Variants in AIFM2 observed in about 807,000 individuals in gnomAD.
AIFM2 encodes AIF family member 2, ferroptosis suppressor.
A neutral mutation model predicts 35.7 loss-of-function variants in AIFM2; 38 were observed. The ratio of observed to expected loss-of-function variants is 1.06; its 90% CI spans 0.82 to 1.39. The LOEUF (loss-of-function observed/expected upper bound fraction) is 1.39, where lower values mean the gene tolerates loss of function less well. AIFM2 is among the 40% of genes most tolerant of loss of function. The probability of loss-of-function intolerance (pLI) is 0.00; values close to 1 mark genes in which losing one functional copy is unlikely to be tolerated. For synonymous variants in AIFM2, 185 were observed against 203.5 expected (o/e 0.91, Z 0.77); for missense variants, 476 against 491.2 (o/e 0.97, Z 0.29).
In AIFM2 at chr10:70,115,109, C is replaced by G. The variant is rs759180263; in HGVS notation, c.781G>C (p.Ala261Pro). 8.1e-6 allele frequency: 13 copies of G among 1,613,616 alleles called. No homozygotes were observed. The East Asian group carries it at 2.7e-4, about 33-fold the overall frequency. ...TTCACTCTCAGAGCACCACTGCTGGCTAGTCTGCTCTCTGCCAGAAGAAAT... is the reference window on the plus strand; with the variant it reads ...TTCACTCTCAGAGCACCACTGCTGGGTAGTCTGCTCTCTGCCAGAAGAAAT... ...AYRKAFESRLASSGALRVNEH... is the reference protein window; with the variant it reads ...AYRKAFESRLPSSGALRVNEH... The change falls in exon 8 of 9, where the codon GCC becomes CCC. Residue 261 changes from alanine (A) to proline (P), a missense_variant. Ala to Pro is a conservative substitution (Grantham distance 27). Coordinates refer to ENST00000307864, the MANE Select transcript of AIFM2 (RefSeq NM_032797.6).
At position 70,123,639 on chromosome 10, in the gene AIFM2, G is replaced by A. The variant is rs77106600; in HGVS notation, c.179-119C>T. 3.7e-3 allele frequency: 3,448 copies of A among 928,152 alleles called. 14 individuals are homozygous for A. Among genetic ancestry groups the A allele is most frequent in the African/African-American group, 0.019 (1,190 of 61,096 alleles). The allele number at this position is 928,152 out of a possible 1,614,324, so 57.5% of individuals were successfully genotyped here. ...CAGGGGTGCCCTTGACCAAAGCGTCGGGCCATTAGGTATGCCTGGGGTACC... is the reference window on the plus strand; with the variant it reads ...CAGGGGTGCCCTTGACCAAAGCGTCAGGCCATTAGGTATGCCTGGGGTACC... On this transcript the variant is annotated intron_variant, in intron 2 of 8. Coordinates refer to ENST00000307864, the MANE Select transcript of AIFM2 (RefSeq NM_032797.6).
chr10:70,123,664 C>A, intron 2 of AIFM2, 144 bp from the exon 3 acceptor site: 1 of 809,260 alleles, frequency 1.2e-6, no homozygotes, highest in Non-Finnish European at 1.9e-6. Context: ...CCTGGGGTAC[C>A]CCTACTTCCT....
rs2072395430 is a variant in AIFM2 at position 70,113,036 on chromosome 10, T to TA, written c.*1141dup. 6.6e-6 allele frequency: 1 copy of TA among 152,196 alleles called. No homozygotes were observed. The highest frequency in any genetic ancestry group is 2.1e-4 in the South Asian group (1 of 4,828). 9.4% of individuals were successfully genotyped at this position (152,196 alleles called of 1,614,324 possible). A position where few individuals can be genotyped will look rare whatever the true frequency, so the allele number is the denominator to read the frequency against. ...GAAACCCCCTCTGCTCGCTAATGGG[T>TA]AAGCAGATGGCACCCCGCAAAGAGT... On this transcript the variant is annotated 3_prime_UTR_variant, in exon 9 of 9. Coordinates refer to ENST00000307864, the MANE Select transcript of AIFM2 (RefSeq NM_032797.6).
In AIFM2 at chr10:70,121,144, T is replaced by C; in HGVS notation, c.362A>G (p.Glu121Gly). 6.5e-7 allele frequency: 1 copy of C among 1,537,890 alleles called. No homozygotes were observed. Among genetic ancestry groups the C allele is most frequent in the Non-Finnish European group, 8.8e-7 (1 of 1,140,422 alleles). The part of the protein sequence containing the change: ...STGPFPGKFN[E>G]VSSQQAAIQA... ...GATAGCGGCCTGCTGGCTGGAAACCTCATTAAACTTGCCCGGGAAGGGCCC... is the reference window on the plus strand; with the variant it reads ...GATAGCGGCCTGCTGGCTGGAAACCCCATTAAACTTGCCCGGGAAGGGCCC... Residue 121 changes from glutamate (E) to glycine (G), a missense_variant, in exon 4 of 9, where the codon GAG becomes GGG. Transcript: ENST00000307864.
At position 70,114,935 on chromosome 10, in the gene AIFM2, G is replaced by C. The variant is rs1020250487; in HGVS notation, c.955C>G (p.Gln319Glu). 6.2e-7 allele frequency: 1 copy of C among 1,614,102 alleles called. No homozygotes were observed. Among genetic ancestry groups the C allele is most frequent in the Non-Finnish European group, 8.5e-7 (1 of 1,179,992 alleles). ...CCTCTCTTACCCGGCTTGTAGGCCT[G>C]GAGAGGCCGCTGCTTCACAGAGTTG... ...IVNSVKQRPL[Q>E]AYKPGALTFL... The change falls in exon 8 of 9, where the codon CAG becomes GAG. Residue 319 changes from glutamine (Q) to glutamate (E), a missense_variant. By Grantham distance (29) the Gln-to-Glu change is conservative (BLOSUM62 2). Transcript: ENST00000307864.
chr10:70,114,933 C>T lies in AIFM2; in HGVS notation c.957G>A (p.Gln319=). 6.2e-7 allele frequency: 1 copy of T among 1,614,082 alleles called. No homozygotes were observed. The highest frequency in any genetic ancestry group is 8.5e-7 in the Non-Finnish European group (1 of 1,179,986). ...IVNSVKQRPL[Q]AYKPGALTFL... is the part of the protein sequence containing the mutation. ...GGCCTCTCTTACCCGGCTTGTAGGC[C>T]TGGAGAGGCCGCTGCTTCACAGAGT... The change falls in exon 8 of 9, where the codon CAG becomes CAA. Residue 319 remains glutamine, a synonymous_variant. Coordinates refer to ENST00000307864, the MANE Select transcript of AIFM2 (RefSeq NM_032797.6).
chr10:70,125,683 C>G (rs1374622494), intron 1 of AIFM2, among the ~76,000 whole-genome samples: 6 of 151,808 alleles, frequency 4.0e-5, no homozygotes, highest in Non-Finnish European at 7.4e-5. Flanking sequence ...GTTGCCCAGG[C>G]TGGTCTCAAA....
At position 70,123,266 on chromosome 10, in the gene AIFM2, G is replaced by C. The variant is rs7072546; in HGVS notation, c.294+139C>G. 3,110 of 645,764 alleles carry C rather than the reference G, an allele frequency of 4.8e-3. 71 individuals are homozygous for C. In the African/African-American group the frequency reaches 0.052, roughly 11 times the overall value. 40.0% of individuals were successfully genotyped at this position (645,764 alleles called of 1,614,324 possible). A position where few individuals can be genotyped will look rare whatever the true frequency, so the allele number is the denominator to read the frequency against. On this transcript the variant is annotated intron_variant, in intron 3 of 8. Transcript: ENST00000307864. ...ACTCCTGACCTCAGGTGATCCGCCCGCCTTGGCCTCCCACAGTGCTGAGAT... is the reference window on the plus strand; with the variant it reads ...ACTCCTGACCTCAGGTGATCCGCCCCCCTTGGCCTCCCACAGTGCTGAGAT...
chr10:70,123,400 C>T lies in AIFM2; in HGVS notation c.294+5G>A, dbSNP rs1378549291. ...CAGCTGGCAGCCGGGCTGGCCCTCA[C>T]TCACCTCGCCACCCTGCAGCAGCAC... On this transcript the variant is annotated splice_donor_5th_base_variant and intron_variant, in intron 3 of 8. Coordinates refer to ENST00000307864, the MANE Select transcript of AIFM2 (RefSeq NM_032797.6). 4 of 1,613,582 alleles carry T rather than the reference C, an allele frequency of 2.5e-6. No homozygotes were observed. In the East Asian group the frequency reaches 8.9e-5, roughly 36 times the overall value.
chr10:70,116,812 A>G (rs1489086752), intron 6 of AIFM2, 38 bp from the exon 7 acceptor site: 3 of 1,609,834 alleles, frequency 1.9e-6, no homozygotes, highest in Non-Finnish European at 1.7e-6. Context: ...TGGTGGGGAC[A>G]GGGACCCCAT....
Position 70,117,868 on chromosome 10 carries a change from G to GCCTTGTCAGCC in AIFM2, c.559_560insGGCTGACAAGG (p.Ser187TrpfsTer10). On this transcript the variant is annotated frameshift_variant, in exon 6 of 9. Transcript: ENST00000307864. LOFTEE classifies it high-confidence loss of function. This position sits in a 1 kb window ranked among gnomAD's most constrained non-coding sequence, Gnocchi z 4.7. ...GATCTCCTTCACTTCCTGCCGGACG[G>GCCTTGTCAGCC]AGGGCAGGAGCTCCTTGTCAGCCAG... is the stretch of plus-strand genomic sequence containing the variant. 1 of 1,605,550 alleles carries GCCTTGTCAGCC rather than the reference G, an allele frequency of 6.2e-7. No homozygotes were observed. The highest frequency in any genetic ancestry group is 1.1e-5 in the South Asian group (1 of 90,000).
chr10:70,114,977 C>A lies in AIFM2; in HGVS notation c.913G>T (p.Ala305Ser), dbSNP rs774471671. The change falls in exon 8 of 9, where the codon GCC becomes TCC. Residue 305 changes from alanine to serine, a missense_variant. Coordinates refer to ENST00000307864, the MANE Select transcript of AIFM2 (RefSeq NM_032797.6). ...AYLAGLHANI[A>S]VANIVNSVKQ... is the part of the protein sequence containing the mutation. ...ACAGAGTTGACGATGTTGGCCACGG[C>A]GATGTTGGCGTGGAGGCCGGCAAGA... 5 of 1,614,198 alleles carry A rather than the reference C, an allele frequency of 3.1e-6. No individual in the cohort carries two copies. The highest frequency in any genetic ancestry group is 4.2e-6 in the Non-Finnish European group (5 of 1,180,034).
rs1468436591 is a variant in AIFM2 at position 70,123,889 on chromosome 10, CA to C, written c.178+17del. ...AAGACCCCCCTCACAGAGACAGCCC[CA>C]GACGGGAGCACATTACCTGTCTCCA... On this transcript the variant is annotated intron_variant, in intron 2 of 8. Transcript: ENST00000307864. 8.4e-6 allele frequency: 13 copies of C among 1,540,526 alleles called. No individual in the cohort carries two copies. Among genetic ancestry groups the C allele is most frequent in the Non-Finnish European group, 1.1e-5 (13 of 1,139,452 alleles).
rs550805254 is a variant in AIFM2, at chr10:70,118,125, C to T, written c.508-205G>A. On this transcript the variant is annotated intron_variant, in intron 5 of 8. Transcript: ENST00000307864. ...GTTCTAGACTAGGACTCTTTCAGTACCCTCCTGCCACACCCAGGCCAGAGG... is the reference window on the plus strand; with the variant it reads ...GTTCTAGACTAGGACTCTTTCAGTATCCTCCTGCCACACCCAGGCCAGAGG... 4.5e-4 allele frequency: 230 copies of T among 509,824 alleles called. 2 individuals carry two copies. Among genetic ancestry groups the T allele is most frequent in the African/African-American group, 4.2e-3 (210 of 49,454 alleles). 31.6% of individuals were successfully genotyped at this position (509,824 alleles called of 1,614,324 possible).
At chr10:70,115,192 G>A in intron 7 of AIFM2, 72 bp from the exon 8 acceptor site, 6 of 1,521,030 alleles carry the variant, frequency 3.9e-6, no homozygotes, top group Non-Finnish European at 5.4e-6. Context: ...AGGAGGAGAG[G>A]GCGAGCTCTA....
At chr10:70,123,368 C>T (rs761137958) in intron 3 of AIFM2, 37 bp downstream of exon 3, 3 of 1,591,934 alleles carry the variant, frequency 1.9e-6, no homozygotes, top group Admixed American at 1.7e-5. Context: ...GCAGAGGGCC[C>T]TTGAGCCAGC....
Position 70,113,191 on chromosome 10 carries a change from TTTC to T in AIFM2, c.*984_*986del, listed in dbSNP as rs1477483783. 2 of 152,188 alleles carry T rather than the reference TTTC, an allele frequency of 1.3e-5. No individual in the cohort carries two copies. Among genetic ancestry groups the T allele is most frequent in the Admixed American group, 6.5e-5 (1 of 15,298 alleles). The allele number at this position is 152,188 out of a possible 1,614,324, so 9.4% of individuals were successfully genotyped here. A position where few individuals can be genotyped will look rare whatever the true frequency, so the allele number is the denominator to read the frequency against. On this transcript the variant is annotated 3_prime_UTR_variant, in exon 9 of 9. Transcript: ENST00000307864. The stretch of plus-strand genomic sequence containing the variant: ...CCAGAAGAGCACATTTATCTAGCTC[TTTC>T]TTCTTAAATGAAACCTGTGGTATGG...
chr10:70,125,272 C>T (rs1028475931), intron 1 of AIFM2, among the ~76,000 whole-genome samples: 1 of 152,048 alleles, frequency 6.6e-6, no homozygotes, highest in Non-Finnish European at 1.5e-5. Context: ...GGGCCACAAC[C>T]ATATGCTACA....
rs112641567 is a variant in AIFM2, at chr10:70,132,764, G to GGCTCCC, written c.-50_-45dup. The GGCTCCC allele has an allele frequency of 0.13, 19,903 of 152,562 alleles. 1,406 individuals carry two copies. The highest frequency in any genetic ancestry group is 0.22 in the East Asian group (1,141 of 5,072). 9.5% of individuals were successfully genotyped at this position (152,562 alleles called of 1,614,324 possible). A position where few individuals can be genotyped will look rare whatever the true frequency, so the allele number is the denominator to read the frequency against. ...GGCCGCGCCCGCGCGCTCTCGCTCC[G>GGCTCCC]GCTCCCGCTCCCGCTCCCGCTCCCG... is the stretch of plus-strand genomic sequence containing the variant. On this transcript the variant is annotated 5_prime_UTR_variant, in exon 1 of 9. Transcript: ENST00000307864.
Sources: allele counts gnomAD v4.1 joint callset (sites outside exome capture counted in the v4.1 genomes callset), GRCh38; gene constraint gnomAD v4.1.1; non-coding constraint Gnocchi (gnomAD v3.1); transcripts MANE v1.5; gene names NCBI Gene and HGNC (gene_info 2026-07-23, HGNC 2026-07-21).